The following EMC7 variants were observed in gnomAD, a reference collection of about 807,000 sequenced individuals.
EMC7 encodes endoplasmic reticulum membrane protein complex subunit 7.
A neutral mutation model predicts 24.4 loss-of-function variants in EMC7; 4 were observed. The observed-to-expected ratio is 0.16, with a 90% CI of 0.08 to 0.38. The LOEUF (loss-of-function observed/expected upper bound fraction) is 0.38, where lower values mean the gene tolerates loss of function less well. EMC7 is among the 10% of genes least tolerant of loss of function. The pLI is 1.00. For missense variants in EMC7, 221 were observed against 300.6 expected (o/e 0.74, Z 1.96); for synonymous variants, 106 against 112.0 (o/e 0.95, Z 0.34).
chr15:34,091,378 T>C (rs1179935944), intron 2 of EMC7, among the ~76,000 whole-genome samples: 1 of 152,226 alleles, frequency 6.6e-6, no homozygotes, highest in Non-Finnish European at 1.5e-5. Context: ...GTAAGTTTAG[T>C]AGACTTTATT....
intron 2 of EMC7, among the ~76,000 whole-genome samples, chr15:34,091,801 C>A (rs1900977191): frequency 6.6e-6 from 1 of 152,156 alleles, no homozygotes; most frequent in African/African-American, 2.4e-5. Context: ...TGGGGAAGTG[C>A]TTTATAGTTT....
In EMC7 at chr15:34,084,268, T is replaced by C; in HGVS notation, c.*66A>G. ...GTTTATAGTAGTTGCTTCACACGGT[T>C]TTCCAAGACTTGGATGCCACCCAGT... On this transcript the variant is annotated 3_prime_UTR_variant, in exon 5 of 5. Coordinates refer to ENST00000256545, the MANE Select transcript of EMC7 (RefSeq NM_020154.3). 1.3e-6 allele frequency: 2 copies of C among 1,554,724 alleles called. No homozygotes were observed. Among genetic ancestry groups the C allele is most frequent in the Non-Finnish European group, 1.7e-6 (2 of 1,145,976 alleles).
intron 1 of EMC7, 97 bp downstream of exon 1, chr15:34,101,507 A>G: frequency 7.6e-7 from 1 of 1,320,818 alleles, no homozygotes; most frequent in Middle Eastern, 1.9e-4. Flanking sequence ...TCAGTCTGAG[A>G]CAGCGACGTT....
intron 2 of EMC7, among the ~76,000 whole-genome samples, chr15:34,093,187 C>G (rs1901005605): frequency 6.6e-6 from 1 of 152,118 alleles, no homozygotes. Context: ...CACCTGTAAT[C>G]CCAGTACTTT....
At chr15:34,089,820 G>A (rs1472506048) in intron 3 of EMC7, among the ~76,000 whole-genome samples, 1 of 152,200 alleles carries the variant, frequency 6.6e-6, no homozygotes, top group African/African-American at 2.4e-5. Flanking sequence ...GCCGGGCGTG[G>A]TGGCACATGC....
At chr15:34,088,013 C>CT in intron 4 of EMC7, 40 bp downstream of exon 4, 1 of 1,535,798 alleles carries the variant, frequency 6.5e-7, no homozygotes, top group Non-Finnish European at 8.8e-7. Flanking sequence ...GGCTCTATCT[C>CT]TTAAAAAAAA....
intron 1 of EMC7, among the ~76,000 whole-genome samples, chr15:34,098,457 C>CCT (rs1555523591): frequency 7.6e-6 from 1 of 132,328 alleles, no homozygotes; most frequent in Non-Finnish European, 1.6e-5. Flanking sequence ...TTCTTTCTTT[C>CCT]TTTTTTTTTT....
chr15:34,087,980 T>G, intron 4 of EMC7, 73 bp downstream of exon 4: 1 of 1,329,380 alleles, frequency 7.5e-7, no homozygotes, highest in Non-Finnish European at 1.0e-6. Context: ...ATTGTGCCAC[T>G]GCATTCCAGC....
intron 4 of EMC7, among the ~76,000 whole-genome samples, chr15:34,085,421 A>C (rs1900863081): frequency 6.6e-6 from 1 of 152,224 alleles, no homozygotes; most frequent in Non-Finnish European, 1.5e-5. Flanking sequence ...TGAACTTAAA[A>C]TTGACTTTAG....
chr15:34,093,539 A>AGGCCGGGCGCGGTGGCTCACGCCTGT (rs1567502878), intron 2 of EMC7, among the ~76,000 whole-genome samples: 2 of 151,672 alleles, frequency 1.3e-5, no homozygotes, highest in African/African-American at 2.4e-5. Context: ...TTCAAAATTT[A>AGGCCGGGCGCGGTGGCTCACGCCTGT]ACCAGAGTAA....
At position 34,088,035 on chromosome 15, in the gene EMC7, G is replaced by C. The variant is rs751201448; in HGVS notation, c.576+18C>G. The C allele has an allele frequency of 2.5e-6, 4 of 1,592,028 alleles. No individual in the cohort carries two copies. ...TCTCTTAAAAAAAAAAAAATCCATAGCTGGACCATCATCTTACCCGTCTCA... is the reference window on the plus strand; with the variant it reads ...TCTCTTAAAAAAAAAAAAATCCATACCTGGACCATCATCTTACCCGTCTCA... On this transcript the variant is annotated intron_variant, in intron 4 of 4. Coordinates refer to ENST00000256545, the MANE Select transcript of EMC7 (RefSeq NM_020154.3).
intron 4 of EMC7, among the ~76,000 whole-genome samples, chr15:34,085,238 G>A (rs1170639782): frequency 1.3e-5 from 2 of 152,052 alleles, no homozygotes; most frequent in Non-Finnish European, 2.9e-5. Flanking sequence ...AGACTCTAAA[G>A]CAAGCAACAC....
chr15:34,084,525 C>T lies in EMC7; in HGVS notation c.577-39G>A, dbSNP rs200409404. On this transcript the variant is annotated intron_variant, in intron 4 of 4. Transcript: ENST00000256545. ...AGGCACAATGATATGTAGGATCCTT[C>T]GAGTCTTTTAACTCCTAACACTTCC... 207 of 1,586,328 alleles carry T rather than the reference C, an allele frequency of 1.3e-4. No individual in the cohort carries two copies. The East Asian group carries it at 3.6e-3, about 27-fold the overall frequency.
intron 1 of EMC7, among the ~76,000 whole-genome samples, chr15:34,097,294 A>T (rs939570385): frequency 6.6e-6 from 1 of 152,024 alleles, no homozygotes; most frequent in African/African-American, 2.4e-5. Context: ...CGGCCTCCCA[A>T]AGTGCTGGGA....
chr15:34,097,395 T>C (rs1209055630), intron 1 of EMC7, among the ~76,000 whole-genome samples: 1 of 152,194 alleles, frequency 6.6e-6, no homozygotes, highest in African/African-American at 2.4e-5. Context: ...CTATTTGCTA[T>C]AAATAATTCC....
chr15:34,101,485 G>T, intron 1 of EMC7, 119 bp downstream of exon 1: 1 of 1,055,478 alleles, frequency 9.5e-7, no homozygotes, highest in Non-Finnish European at 1.4e-6. Context: ...ACCGTTAGCG[G>T]CACCCTCCCC....
intron 4 of EMC7, among the ~76,000 whole-genome samples, chr15:34,084,898 C>A (rs1296671479): frequency 2.6e-5 from 4 of 151,076 alleles, no homozygotes; most frequent in African/African-American, 9.7e-5. Context: ...CCTCCCACCT[C>A]CCCCCACCCC....
At chr15:34,095,667 T>G (rs972678324) in intron 2 of EMC7, among the ~76,000 whole-genome samples, 4 of 152,238 alleles carry the variant, frequency 2.6e-5, no homozygotes, top group African/African-American at 9.6e-5. Context: ...TTTCTTTATG[T>G]AATCATATTA....
Position 34,092,372 on chromosome 15 carries a change from G to A in EMC7, c.357-1917C>T, listed in dbSNP as rs534347101. On this transcript the variant is annotated intron_variant, in intron 2 of 4. Coordinates refer to ENST00000256545, the MANE Select transcript of EMC7 (RefSeq NM_020154.3). The stretch of plus-strand genomic sequence containing the variant: ...CAATTATTTTTTATTTTTTTGAGAC[G>A]AAATATTGCTCTGAAGCCCAGGCTG... Among the ~76,000 whole-genome samples the A allele has an allele frequency of 4.0e-5, 6 of 151,286 alleles. No individual in the cohort carries two copies. In the East Asian group the frequency reaches 5.9e-4, roughly 15 times the overall value.
Sources: allele counts gnomAD v4.1 joint callset (sites outside exome capture counted in the v4.1 genomes callset), GRCh38; gene constraint gnomAD v4.1.1; transcripts MANE v1.5; gene names NCBI Gene and HGNC (gene_info 2026-07-23, HGNC 2026-07-21).